CTNNA2: variants seen among roughly 807,000 people sequenced by gnomAD.
CTNNA2 encodes catenin alpha-2.
Under a neutral mutation model 101.0 loss-of-function variants are expected in CTNNA2, and 42 were observed. That is an observed-to-expected ratio of 0.42 (90% CI 0.32 to 0.54). The LOEUF is 0.54. Ranked by LOEUF, CTNNA2 falls within the 20% of genes least tolerant of loss-of-function variation. The pLI is 0.14. For missense variants in CTNNA2, 871 were observed against 1,223.1 expected (o/e 0.71, Z 4.29); for synonymous variants, 450 against 456.4 (o/e 0.99, Z 0.18).
intron 7 of CTNNA2, among the ~76,000 whole-genome samples, chr2:79,970,668 G>A (rs1690412321): frequency 6.6e-6 from 1 of 152,102 alleles, no homozygotes; most frequent in Admixed American, 6.5e-5. Context: ...ATTTTATTCT[G>A]TCGGGTATTA....
intron 7 of CTNNA2, among the ~76,000 whole-genome samples, chr2:80,121,517 G>T (rs1701830847): frequency 6.6e-6 from 1 of 152,142 alleles, no homozygotes; most frequent in Non-Finnish European, 1.5e-5. Context: ...GTTTTCCATA[G>T]TAAGTGCCTT....
intron 6 of CTNNA2, among the ~76,000 whole-genome samples, chr2:79,892,411 T>C (rs2104216430): frequency 6.6e-6 from 1 of 151,856 alleles, no homozygotes; most frequent in East Asian, 1.9e-4. Context: ...TCTCATTACC[T>C]GTATTAAAAA....
intron 2 of CTNNA2, 88 bp from the exon 3 acceptor site, chr2:79,744,299 A>C: frequency 2.3e-6 from 3 of 1,286,856 alleles, no homozygotes; most frequent in Non-Finnish European, 2.1e-6. Flanking sequence ...ATGATTTAAT[A>C]AACACGGAGA....
At chr2:79,442,596 A>G (rs1678788414) in intron 4 of CTNNA2, among the ~76,000 whole-genome samples, 1 of 152,176 alleles carries the variant, frequency 6.6e-6, no homozygotes, top group South Asian at 2.1e-4. Flanking sequence ...TTATTATCAC[A>G]TGCCTTGAAA....
intron 7 of CTNNA2, among the ~76,000 whole-genome samples, chr2:80,203,462 G>T (rs1707338165): frequency 6.6e-6 from 1 of 152,214 alleles, no homozygotes; most frequent in African/African-American, 2.4e-5. Flanking sequence ...GGGGCCACAG[G>T]CCCCATGCAA....
intron 2 of CTNNA2, among the ~76,000 whole-genome samples, chr2:79,680,566 G>A (rs1305535254): frequency 6.6e-6 from 1 of 152,190 alleles, no homozygotes; most frequent in East Asian, 1.9e-4. Context: ...CTGGGAGTCA[G>A]GACCTTCTCA....
At chr2:79,903,593 A>T (rs1685217566) in intron 6 of CTNNA2, among the ~76,000 whole-genome samples, 1 of 152,054 alleles carries the variant, frequency 6.6e-6, no homozygotes, top group Non-Finnish European at 1.5e-5. Flanking sequence ...GGTAGATGGG[A>T]TTTTATGTAT....
At position 80,559,878 on chromosome 2, in the gene CTNNA2, T is replaced by TATCTATCTATCTATC. The variant is rs1693393440; in HGVS notation, c.1741+3985_1741+3986insATCTATCTATCTATC. On this transcript the variant is annotated intron_variant, in intron 12 of 18. Coordinates refer to ENST00000402739, the MANE Select transcript of CTNNA2 (RefSeq NM_001282597.3). ...GAAAGCACATTCAGCGATATCATAT[T>TATCTATCTATCTATC]TATATATATATATACACACACATAC... Among the ~76,000 whole-genome samples the TATCTATCTATCTATC allele has an allele frequency of 6.6e-3, 746 of 113,806 alleles. 18 individuals carry two copies. The highest frequency in any genetic ancestry group is 0.022 in the African/African-American group (716 of 32,928). 74.7% of individuals were successfully genotyped at this position (113,806 alleles called of 152,430 possible).
At chr2:79,301,097 G>A (rs10496219) in intron 2 of CTNNA2, among the ~76,000 whole-genome samples, 18,701 of 152,162 alleles carry the variant, frequency 0.12, 1,508 homozygotes, top group African/African-American at 0.23. Context: ...CATATTACAA[G>A]ATGCCTTTTC....
chr2:80,110,642 T>C (rs909818676), intron 7 of CTNNA2, among the ~76,000 whole-genome samples: 3 of 152,162 alleles, frequency 2.0e-5, no homozygotes, highest in African/African-American at 4.8e-5. Context: ...AATACTGAAG[T>C]GGACCATGTG....
At chr2:79,849,791 CA>C (rs999848797) in intron 3 of CTNNA2, among the ~76,000 whole-genome samples, 1 of 152,106 alleles carries the variant, frequency 6.6e-6, no homozygotes, top group Non-Finnish European at 1.5e-5. Flanking sequence ...GAAAGTATTT[CA>C]ATTATTTTAT....
chr2:80,566,389 G>A (rs1364676053), intron 12 of CTNNA2, among the ~76,000 whole-genome samples: 1 of 152,162 alleles, frequency 6.6e-6, no homozygotes, highest in Non-Finnish European at 1.5e-5. Flanking sequence ...AATACCAGGA[G>A]AAGAGGAATC....
At chr2:79,524,606 T>A (rs920643017) in intron 1 of CTNNA2, 1 of 151,806 alleles carries the variant, frequency 6.6e-6, no homozygotes, top group Non-Finnish European at 1.5e-5. Context: ...AACATATACT[T>A]TTTATTTCAG....
At chr2:80,321,545 G>C (rs1400427407) in intron 7 of CTNNA2, among the ~76,000 whole-genome samples, 4 of 152,194 alleles carry the variant, frequency 2.6e-5, no homozygotes, top group African/African-American at 9.7e-5. Flanking sequence ...AAAATAATTT[G>C]TGGTGTATGA....
intron 7 of CTNNA2, among the ~76,000 whole-genome samples, chr2:80,371,994 A>G (rs1299153848): frequency 6.6e-6 from 1 of 152,190 alleles, no homozygotes; most frequent in Non-Finnish European, 1.5e-5. Context: ...TTGAACTAAT[A>G]ATAAGGTGGT....
chr2:80,294,367 G>A (rs1343411153), intron 7 of CTNNA2, among the ~76,000 whole-genome samples: 1 of 152,108 alleles, frequency 6.6e-6, no homozygotes, highest in African/African-American at 2.4e-5. Context: ...TCTTCTATCA[G>A]TGCCACCAGA....
chr2:80,596,776 G>A (rs1697024516), intron 15 of CTNNA2, among the ~76,000 whole-genome samples: 1 of 141,886 alleles, frequency 7.0e-6, no homozygotes, highest in African/African-American at 3.0e-5. Flanking sequence ...GGGCATCCTT[G>A]TCTTGTGTCC....
chr2:80,007,929 G>A (rs1693490578), intron 7 of CTNNA2, among the ~76,000 whole-genome samples: 1 of 152,156 alleles, frequency 6.6e-6, no homozygotes, highest in African/African-American at 2.4e-5. Flanking sequence ...CCTCTCCTCA[G>A]TTTCGTACTC....
At chr2:80,393,465 C>T (rs918087246) in intron 8 of CTNNA2, among the ~76,000 whole-genome samples, 174 bp downstream of exon 8, 3 of 152,130 alleles carry the variant, frequency 2.0e-5, no homozygotes, top group Admixed American at 1.3e-4. Flanking sequence ...TGGACAGAGA[C>T]GAGCCAGTTG....
Sources: gnomAD v4.1 joint callset for allele counts (sites outside exome capture counted in the v4.1 genomes callset) on GRCh38, gnomAD v4.1.1 for gene constraint, MANE v1.5 for transcripts, NCBI Gene and HGNC (gene_info 2026-07-23, HGNC 2026-07-21) for gene names.